Variants in EFCAB5 observed in about 807,000 individuals in gnomAD.
EFCAB5 encodes EF-hand calcium binding domain 5, also known as EF-hand calcium-binding domain-containing protein 5.
In EFCAB5, 131 loss-of-function variants were observed where a neutral mutation model predicts 167.9. The observed-to-expected ratio is 0.78, with a 90% CI of 0.68 to 0.90. The LOEUF (loss-of-function observed/expected upper bound fraction) is 0.90, where lower values mean the gene tolerates loss of function less well. Among genes scored for constraint, EFCAB5 ranks in the 40% least tolerant of loss-of-function variants. The pLI is 0.00. For synonymous variants in EFCAB5, 574 were observed against 602.8 expected, an observed-to-expected ratio of 0.95 and a Z score of 0.70; for missense variants, 1,663 against 1,745.2, an observed-to-expected ratio of 0.95 and a Z score of 0.84.
At chr17:30,008,202 C>T (rs927979858) in intron 7 of EFCAB5, among the ~76,000 whole-genome samples, 1 of 151,976 alleles carries the variant, frequency 6.6e-6, no homozygotes, top group Non-Finnish European at 1.5e-5. Flanking sequence ...ATAGCAGATA[C>T]ATTAAATAAA....
At chr17:29,994,031 G>C (rs1383410342) in intron 5 of EFCAB5, among the ~76,000 whole-genome samples, 2 of 150,390 alleles carry the variant, frequency 1.3e-5, no homozygotes, top group Non-Finnish European at 3.0e-5. Context: ...TTGAGTCCAG[G>C]AGGTCGAAGC....
chr17:29,950,643 G>C (rs952338628), intron 3 of EFCAB5: 2 of 151,986 alleles, frequency 1.3e-5, no homozygotes, highest in Non-Finnish European at 2.9e-5. Flanking sequence ...CGAAGCGCTG[G>C]GATTACAGAT....
intron 14 of EFCAB5, chr17:30,068,685 G>C: frequency 6.3e-7 from 1 of 1,576,152 alleles, no homozygotes; most frequent in East Asian, 2.3e-5. Flanking sequence ...TGAAGACGCA[G>C]AACAAGGCAC....
At chr17:30,088,689 C>T (rs1261991407) in intron 19 of EFCAB5, among the ~76,000 whole-genome samples, 1 of 152,236 alleles carries the variant, frequency 6.6e-6, no homozygotes, top group African/African-American at 2.4e-5. Context: ...ACTGAGAACA[C>T]ACCTATTGCA....
intron 6 of EFCAB5, among the ~76,000 whole-genome samples, chr17:29,997,359 A>G (rs762301633): frequency 2.0e-5 from 3 of 152,100 alleles, no homozygotes; most frequent in Non-Finnish European, 4.4e-5. Context: ...CTACCTACTT[A>G]TAATGTACCT....
intron 5 of EFCAB5, 81 bp from the exon 6 acceptor site, chr17:29,996,231 C>G: frequency 8.5e-7 from 1 of 1,180,624 alleles, no homozygotes; most frequent in African/African-American, 1.6e-5. Context: ...CTATAGATGG[C>G]TTTTAGTCTA....
chr17:30,055,092 G>A (rs559447963), intron 10 of EFCAB5, among the ~76,000 whole-genome samples: 32 of 151,858 alleles, frequency 2.1e-4, no homozygotes, highest in South Asian at 4.1e-4. Flanking sequence ...GAGCCCAGGA[G>A]TTCAAAACCA....
chr17:30,023,512 C>A (rs1441489326), intron 7 of EFCAB5, among the ~76,000 whole-genome samples: 2 of 152,148 alleles, frequency 1.3e-5, no homozygotes, highest in Admixed American at 1.3e-4. Context: ...AGACCAATAA[C>A]AGGCTCTGAA....
At chr17:30,094,135 T>C (rs2071250142) in intron 22 of EFCAB5, among the ~76,000 whole-genome samples, 1 of 152,152 alleles carries the variant, frequency 6.6e-6, no homozygotes, top group Non-Finnish European at 1.5e-5. Context: ...TCCAAACTAT[T>C]ATTTTACCAA....
chr17:30,067,814 C>G (rs1022366890), intron 14 of EFCAB5, among the ~76,000 whole-genome samples: 2 of 152,138 alleles, frequency 1.3e-5, no homozygotes, highest in African/African-American at 4.8e-5. Flanking sequence ...CAACATCTGT[C>G]TATTCTAGAT....
intron 7 of EFCAB5, among the ~76,000 whole-genome samples, chr17:30,030,018 T>C (rs948233156): frequency 1.3e-5 from 2 of 152,250 alleles, no homozygotes; most frequent in African/African-American, 2.4e-5. Flanking sequence ...CACAGAGATA[T>C]TAACTGAAAG....
At chr17:30,046,493 T>G (rs958598227) in intron 8 of EFCAB5, among the ~76,000 whole-genome samples, 1 of 152,208 alleles carries the variant, frequency 6.6e-6, no homozygotes, top group African/African-American at 2.4e-5. Flanking sequence ...CTCTATTTCT[T>G]GTAGCTTCAG....
chr17:30,091,679 C>A (rs150288273), intron 20 of EFCAB5, among the ~76,000 whole-genome samples, 192 bp from the exon 21 acceptor site: 1 of 152,102 alleles, frequency 6.6e-6, no homozygotes, highest in African/African-American at 2.4e-5. Context: ...TGAGCTTCAC[C>A]GGGAGTAATT....
At chr17:30,046,787 G>C (rs1020193145) in intron 8 of EFCAB5, among the ~76,000 whole-genome samples, 4 of 152,062 alleles carry the variant, frequency 2.6e-5, no homozygotes, top group Non-Finnish European at 4.4e-5. Flanking sequence ...TTCTCTTGGG[G>C]CATTTAGCTT....
intron 4 of EFCAB5, among the ~76,000 whole-genome samples, chr17:29,981,664 T>C (rs2068178428): frequency 6.6e-6 from 1 of 152,204 alleles, no homozygotes; most frequent in Admixed American, 6.5e-5. Flanking sequence ...AATTAACCTA[T>C]TCCAGTCTGC....
chr17:30,026,337 C>T (rs897487759), intron 7 of EFCAB5, among the ~76,000 whole-genome samples: 1 of 151,690 alleles, frequency 6.6e-6, no homozygotes, highest in African/African-American at 2.4e-5. Context: ...CCTTAGACTT[C>T]AGTGGACTTC....
chr17:30,024,364 A>C (rs1450033138), intron 7 of EFCAB5, among the ~76,000 whole-genome samples: 5 of 152,096 alleles, frequency 3.3e-5, no homozygotes, highest in South Asian at 2.1e-4. Context: ...GTACAAAAAT[A>C]ACAAGCATTC....
chr17:30,069,018 C>A, intron 14 of EFCAB5: 1 of 1,406,910 alleles, frequency 7.1e-7, no homozygotes, highest in Non-Finnish European at 1.0e-6. Flanking sequence ...TGAAGGAGCA[C>A]AGGACTGCTG....
Position 30,080,813 on chromosome 17 carries a change from C to A in EFCAB5, c.3258C>A (p.Asn1086Lys). ...IHVPQVQYHG[N>K]IFFWNQSRNK... ...TTCCCCAAGTTCAGTACCATGGGAA[C>A]ATCTTCTTCTGGAACCAGTCCCGTA... The change falls in exon 17 of 23, where the codon AAC becomes AAA. Residue 1086 changes from asparagine (N) to lysine (K), a missense_variant. Physicochemically the swap from Asn to Lys is moderately conservative, Grantham distance 94. Coordinates refer to ENST00000394835, the MANE Select transcript of EFCAB5 (RefSeq NM_198529.4). 6.2e-7 allele frequency: 1 copy of A among 1,613,366 alleles called. No homozygotes were observed. Among genetic ancestry groups the A allele is most frequent in the Non-Finnish European group, 8.5e-7 (1 of 1,179,654 alleles).
Sources: allele counts gnomAD v4.1 joint callset (sites outside exome capture counted in the v4.1 genomes callset), GRCh38; gene constraint gnomAD v4.1.1; transcripts MANE v1.5; gene names NCBI Gene and HGNC (gene_info 2026-07-23, HGNC 2026-07-21).